MEIS2: variants seen among roughly 807,000 people sequenced by gnomAD.
MEIS2 encodes the protein Meis homeobox 2.
In MEIS2, 9 loss-of-function variants were observed where a neutral mutation model predicts 58.6. The observed-to-expected ratio is 0.15, with a 90% CI of 0.09 to 0.27. MEIS2 has a LOEUF of 0.27. Among genes scored for constraint, MEIS2 ranks in the 10% least tolerant of loss-of-function variants. The pLI, the probability that MEIS2 is intolerant of heterozygous loss-of-function variation, is 1.00. For synonymous variants in MEIS2, 221 were observed against 228.4 expected (o/e 0.97, Z 0.29); for missense variants, 427 against 635.0 (o/e 0.67, Z 3.52).
At chr15:36,994,113 T>TA (rs1268170737) in intron 8 of MEIS2, among the ~76,000 whole-genome samples, 7 of 152,120 alleles carry the variant, frequency 4.6e-5, no homozygotes, top group Admixed American at 4.6e-4. Context: ...GTGCTTGGTA[T>TA]AACCTAGGCA....
At chr15:37,048,689 A>C (rs1353486882) in intron 7 of MEIS2, among the ~76,000 whole-genome samples, 3 of 152,080 alleles carry the variant, frequency 2.0e-5, no homozygotes, top group Non-Finnish European at 4.4e-5. Context: ...TGTGAAAAAA[A>C]CCCACAATAA....
At chr15:36,989,332 A>G (rs2060193848) in intron 8 of MEIS2, among the ~76,000 whole-genome samples, 1 of 152,162 alleles carries the variant, frequency 6.6e-6, no homozygotes, top group Non-Finnish European at 1.5e-5. Context: ...CCCAGCTGCC[A>G]CCTTATCATG....
chr15:36,931,030 T>C (rs1240270624), intron 9 of MEIS2, among the ~76,000 whole-genome samples: 1 of 152,192 alleles, frequency 6.6e-6, no homozygotes, highest in African/African-American at 2.4e-5. Flanking sequence ...TTTTTTTCTG[T>C]ATTGGTTCAG....
At chr15:36,995,414 C>T (rs2060441532) in intron 8 of MEIS2, among the ~76,000 whole-genome samples, 1 of 152,022 alleles carries the variant, frequency 6.6e-6, no homozygotes, top group Non-Finnish European at 1.5e-5. Context: ...TTCTCCAGTA[C>T]ATTCCTGATT....
At chr15:37,030,259 T>C (rs749804573) in intron 8 of MEIS2, among the ~76,000 whole-genome samples, 2 of 152,198 alleles carry the variant, frequency 1.3e-5, no homozygotes, top group Non-Finnish European at 2.9e-5. Context: ...ACCAGGACTC[T>C]CTAATGCTAT....
intron 8 of MEIS2, among the ~76,000 whole-genome samples, chr15:37,003,089 C>T (rs2060793567): frequency 6.6e-6 from 1 of 152,032 alleles, no homozygotes; most frequent in South Asian, 2.1e-4. Flanking sequence ...AGTTTGGCAC[C>T]CACAGAGGGA....
intron 6 of MEIS2, among the ~76,000 whole-genome samples, chr15:37,086,654 G>A (rs1010220933): frequency 3.9e-5 from 6 of 151,996 alleles, no homozygotes; most frequent in African/African-American, 1.5e-4. Context: ...AAGTATTATG[G>A]TCTTGTTTGA....
intron 7 of MEIS2, among the ~76,000 whole-genome samples, chr15:37,041,821 TTTAAAAAAAGC>T (rs2062434810): frequency 6.6e-6 from 1 of 152,008 alleles, no homozygotes; most frequent in African/African-American, 2.4e-5. Flanking sequence ...TACAAAAAGA[TTTAAAAAAAGC>T]TTAAAAAAAA....
rs2055799527 is a variant in MEIS2, at chr15:36,890,355, A to C, written c.*1818T>G. The C allele has an allele frequency of 6.6e-6, 1 of 152,312 alleles. No homozygotes were observed. The highest frequency in any genetic ancestry group is 1.5e-5 in the Non-Finnish European group (1 of 68,002). 9.4% of individuals were successfully genotyped at this position (152,312 alleles called of 1,614,324 possible). A position where few individuals can be genotyped will look rare whatever the true frequency, so the allele number is the denominator to read the frequency against. ...TCCAGGAATGTTGCATAAAATTTTG[A>C]AAATGGCATTATACCGTCCATTTTG... is the stretch of plus-strand genomic sequence containing the variant. On this transcript the variant is annotated 3_prime_UTR_variant, in exon 12 of 12. Coordinates refer to ENST00000561208, the MANE Select transcript of MEIS2 (RefSeq NM_170675.5).
chr15:37,096,710 G>A (rs1030652000), intron 2 of MEIS2, among the ~76,000 whole-genome samples: 2 of 152,068 alleles, frequency 1.3e-5, no homozygotes, highest in African/African-American at 2.4e-5. Flanking sequence ...CAGTTGGAAC[G>A]TAATGAAACA....
At chr15:36,895,100 G>T in intron 11 of MEIS2, 51 bp downstream of exon 11, 1 of 1,441,946 alleles carries the variant, frequency 6.9e-7, no homozygotes, top group South Asian at 1.2e-5. Flanking sequence ...GAGGCTGGTG[G>T]AGCAGGTGGC....
At chr15:37,032,262 G>C (rs1488762684) in intron 8 of MEIS2, among the ~76,000 whole-genome samples, 1 of 152,130 alleles carries the variant, frequency 6.6e-6, no homozygotes, top group Non-Finnish European at 1.5e-5. Flanking sequence ...AGCACTTCCT[G>C]TTTCTAGTCC....
At chr15:37,002,455 T>G (rs577645217) in intron 8 of MEIS2, among the ~76,000 whole-genome samples, 1 of 152,326 alleles carries the variant, frequency 6.6e-6, no homozygotes, top group South Asian at 2.1e-4. Context: ...ATTTTATCTC[T>G]CCTACATGTG....
At chr15:36,995,746 G>C (rs199783609) in intron 8 of MEIS2, among the ~76,000 whole-genome samples, 2 of 16,988 alleles carry the variant, frequency 1.2e-4, no homozygotes, top group Non-Finnish European at 2.0e-4. Context: ...GAAAAGAAAA[G>C]AAAGAAAGAA....
intron 8 of MEIS2, among the ~76,000 whole-genome samples, chr15:36,964,150 C>T (rs547524174): frequency 9.2e-5 from 14 of 152,298 alleles, no homozygotes; most frequent in African/African-American, 1.4e-4. Flanking sequence ...CCCCAAAGGA[C>T]GAATGCTTTT....
At chr15:36,927,059 T>C (rs2057776874) in intron 9 of MEIS2, among the ~76,000 whole-genome samples, 3 of 152,216 alleles carry the variant, frequency 2.0e-5, no homozygotes, top group Admixed American at 2.0e-4. Flanking sequence ...AATTTGGGCA[T>C]CTTTTCTTCC....
In MEIS2 at chr15:36,891,352, C is replaced by G. The variant is rs1218948966; in HGVS notation, c.*821G>C. 6.6e-6 allele frequency: 1 copy of G among 152,350 alleles called. No homozygotes were observed. The highest frequency in any genetic ancestry group is 1.5e-5 in the Non-Finnish European group (1 of 68,032). 9.4% of individuals were successfully genotyped at this position (152,350 alleles called of 1,614,324 possible). A position where few individuals can be genotyped will look rare whatever the true frequency, so the allele number is the denominator to read the frequency against. ...CAGTATTCTCTTGCTCCTTTTTATC[C>G]CCCAAGCTTTGAGTTTCTGATAAAG... On this transcript the variant is annotated 3_prime_UTR_variant, in exon 12 of 12. Coordinates refer to ENST00000561208, the MANE Select transcript of MEIS2 (RefSeq NM_170675.5).
chr15:37,027,169 T>C (rs1393640653), intron 8 of MEIS2, among the ~76,000 whole-genome samples: 1 of 152,176 alleles, frequency 6.6e-6, no homozygotes, highest in East Asian at 1.9e-4. Flanking sequence ...ACAGGAGAAA[T>C]GGGGCTGGAT....
intron 8 of MEIS2, among the ~76,000 whole-genome samples, chr15:37,033,544 T>C (rs1276689180): frequency 1.3e-5 from 2 of 152,198 alleles, no homozygotes; most frequent in East Asian, 3.8e-4. Context: ...TTTGAAATAA[T>C]GTTAAAGAGA....
Sources: allele counts gnomAD v4.1 joint callset (sites outside exome capture counted in the v4.1 genomes callset), GRCh38; gene constraint gnomAD v4.1.1; transcripts MANE v1.5; gene names NCBI Gene and HGNC (gene_info 2026-07-23, HGNC 2026-07-21).